Variants in PFKP observed in about 807,000 individuals in gnomAD.
PFKP encodes the protein phosphofructokinase, platelet, also known as ATP-dependent 6-phosphofructokinase, platelet type.
Under a neutral mutation model 94.3 loss-of-function variants are expected in PFKP, and 101 were observed. The observed-to-expected ratio is 1.07, with a 90% CI of 0.91 to 1.26. PFKP has a LOEUF of 1.26. PFKP is among the 50% of genes most tolerant of loss of function. The probability of loss-of-function intolerance (pLI) is 0.00; values close to 1 mark genes in which losing one functional copy is unlikely to be tolerated. For synonymous variants in PFKP, 573 were observed against 432.6 expected (o/e 1.32, Z -4.03); for missense variants, 1,145 against 1,103.3 (o/e 1.04, Z -0.53).
In PFKP at chr10:3,129,822, T is replaced by C. The variant is rs1838364053; in HGVS notation, c.1687T>C (p.Cys563Arg). The change falls in exon 17 of 22, where the codon TGC (cysteine) becomes CGC (arginine). Residue 563 changes from cysteine (C) to arginine (R), a missense_variant. By Grantham distance (180) the Cys-to-Arg change is radical. This residue lies in a region of PFKP where 1,119 missense variants were observed against 1,062.8 expected (regional missense o/e 1.05). Transcript: ENST00000381125. ...CTGATCGCTTCTCTGTGACCAGACC[T>C]GCGACCGCATCAAGCAGTCCGCCAG... ...DTALNTITDT[C>R]DRIKQSASGT... is the part of the protein sequence containing the mutation. 2 of 1,613,276 alleles carry C rather than the reference T, an allele frequency of 1.2e-6. No individual in the cohort carries two copies. The highest frequency in any genetic ancestry group is 1.3e-5 in the African/African-American group (1 of 74,940).
chr10:3,106,433 G>A (rs920375636), intron 7 of PFKP, among the ~76,000 whole-genome samples: 4 of 146,020 alleles, frequency 2.7e-5, no homozygotes, highest in Admixed American at 6.9e-5. Context: ...CCTGTGGGGC[G>A]TCCACCTGTG....
At chr10:3,104,605 C>G (rs553470622) in intron 5 of PFKP, 2 of 210,472 alleles carry the variant, frequency 9.5e-6, no homozygotes, top group Non-Finnish European at 1.9e-5. Flanking sequence ...GGCGTGAACC[C>G]CACAGTTGGT....
chr10:3,089,859 A>G (rs1304070904), intron 2 of PFKP, among the ~76,000 whole-genome samples: 1 of 151,822 alleles, frequency 6.6e-6, no homozygotes. Context: ...ATCCTTCTTT[A>G]CACCCCTGCT....
At chr10:3,088,690 G>A (rs1833818488) in intron 2 of PFKP, among the ~76,000 whole-genome samples, 1 of 152,086 alleles carries the variant, frequency 6.6e-6, no homozygotes, top group African/African-American at 2.4e-5. Context: ...TATTTATGGG[G>A]TACATGTGAT....
At position 3,103,810 on chromosome 10, in the gene PFKP, C is replaced by T. The variant is rs143826212; in HGVS notation, c.486C>T (p.Tyr162=). 142 of 1,613,954 alleles carry T rather than the reference C, an allele frequency of 8.8e-5. No homozygotes were observed. The highest frequency in any genetic ancestry group is 6.1e-4 in the African/African-American group (46 of 75,048). The stretch of plus-strand genomic sequence containing the variant: ...TCGATAAGGAGGCCGTGCAGAAGTA[C>T]GCCTACCTCAACGTGGTGGGCATGG... The part of the protein sequence containing the change: ...GQIDKEAVQK[Y]AYLNVVGMVG... The change falls in exon 5 of 22, where the codon TAC becomes TAT. Residue 162 remains tyrosine, a synonymous_variant. Coordinates refer to ENST00000381125, the MANE Select transcript of PFKP (RefSeq NM_002627.5).
At chr10:3,102,654 A>C (rs963459444) in intron 4 of PFKP, among the ~76,000 whole-genome samples, 3 of 152,070 alleles carry the variant, frequency 2.0e-5, no homozygotes, top group Non-Finnish European at 4.4e-5. Context: ...CTGGTCTCGA[A>C]CTCCTGACCT....
intron 16 of PFKP, among the ~76,000 whole-genome samples, chr10:3,126,872 G>A (rs932234407): frequency 9.9e-5 from 15 of 152,252 alleles, no homozygotes; most frequent in Non-Finnish European, 1.9e-4. Flanking sequence ...AGGGGGTGGC[G>A]TCTGCTGGGG....
At chr10:3,120,837 C>G (rs950414608) in intron 16 of PFKP, among the ~76,000 whole-genome samples, 1 of 152,090 alleles carries the variant, frequency 6.6e-6, no homozygotes, top group Non-Finnish European at 1.5e-5. Flanking sequence ...AAGAAATATA[C>G]ACCTATTCCC....
chr10:3,093,124 G>A (rs59457014), intron 2 of PFKP, among the ~76,000 whole-genome samples: 14,446 of 152,184 alleles, frequency 0.095, 1,246 homozygotes, highest in African/African-American at 0.23. Flanking sequence ...GGGGCTGGCC[G>A]TGGAAACTAG....
intron 2 of PFKP, among the ~76,000 whole-genome samples, chr10:3,098,688 A>AAAAAAAAAAAAAG (rs1313571952): frequency 1.6e-4 from 24 of 151,796 alleles, no homozygotes; most frequent in South Asian, 8.4e-4. Flanking sequence ...AAAAAAAAAA[A>AAAAAAAAAAAAAG]AAGGTAATTG....
chr10:3,097,396 G>A (rs1039615877), intron 2 of PFKP, among the ~76,000 whole-genome samples: 10 of 152,224 alleles, frequency 6.6e-5, no homozygotes, highest in African/African-American at 1.7e-4. Flanking sequence ...TCCGGGGGAC[G>A]GCTACACTGG....
At position 3,067,623 on chromosome 10, in the gene PFKP, A is replaced by G. The variant is rs956786906; in HGVS notation, c.28A>G (p.Lys10Glu). 5 of 1,532,580 alleles carry G rather than the reference A, an allele frequency of 3.3e-6. No homozygotes were observed. The highest frequency in any genetic ancestry group is 3.5e-6 in the Non-Finnish European group (4 of 1,139,332). The allele number at this position is 1,532,580 out of a possible 1,614,324, so 94.9% of individuals were successfully genotyped here. A position where few individuals can be genotyped will look rare whatever the true frequency, so the allele number is the denominator to read the frequency against. The change falls in exon 1 of 22, where the codon AAG becomes GAG. Residue 10 changes from lysine to glutamate, a missense_variant. By Grantham distance (56) the Lys-to-Glu change is moderately conservative. This residue lies in a region of PFKP where 1,119 missense variants were observed against 1,062.8 expected (regional missense o/e 1.05). Transcript: ENST00000381125. ...GGACGCGGACGACTCCCGGGCCCCC[A>G]AGGGCTCCTTGCGGAAGTTCCTGGA... The part of the protein sequence containing the change: MDADDSRAP[K>E]GSLRKFLEHL...
At chr10:3,076,907 T>A (rs1832640236) in intron 1 of PFKP, among the ~76,000 whole-genome samples, 1 of 152,156 alleles carries the variant, frequency 6.6e-6, no homozygotes, top group South Asian at 2.1e-4. Context: ...GAACAGCACC[T>A]TGACAGAATC....
intron 20 of PFKP, among the ~76,000 whole-genome samples, chr10:3,135,428 G>C (rs1839138535): frequency 7.3e-6 from 1 of 137,174 alleles, no homozygotes; most frequent in Non-Finnish European, 1.6e-5. Context: ...GTGTATGTGT[G>C]AGCATAAATT....
intron 15 of PFKP, 131 bp from the exon 16 acceptor site, chr10:3,119,761 G>GGT: frequency 3.3e-5 from 22 of 672,122 alleles, no homozygotes; most frequent in South Asian, 5.7e-5. Flanking sequence ...TGTTGATCTC[G>GGT]GAGTGTTTTC....
At chr10:3,074,912 C>T (rs1265255805) in intron 1 of PFKP, among the ~76,000 whole-genome samples, 4 of 152,118 alleles carry the variant, frequency 2.6e-5, no homozygotes, top group Non-Finnish European at 4.4e-5. Flanking sequence ...GTGGGAAATC[C>T]GTGGTCTCAC....
At chr10:3,093,385 C>A (rs1272546975) in intron 2 of PFKP, among the ~76,000 whole-genome samples, 1 of 152,194 alleles carries the variant, frequency 6.6e-6, no homozygotes, top group African/African-American at 2.4e-5. Flanking sequence ...CCACTTCTGT[C>A]TAAAAATAAG....
chr10:3,109,605 A>G, intron 10 of PFKP, 125 bp downstream of exon 10: 2 of 1,203,176 alleles, frequency 1.7e-6, no homozygotes, highest in Non-Finnish European at 2.3e-6. Context: ...CTTTCTGAGA[A>G]GGAGGTGAGC....
rs757759144 is a variant in PFKP at position 3,113,427 on chromosome 10, C to T, written c.1280C>T (p.Ala427Val). The change falls in exon 13 of 22, where the codon GCA becomes GTA. Residue 427 changes from alanine (A) to valine (V), a missense_variant. By Grantham distance (64) the Ala-to-Val change is moderately conservative (BLOSUM62 0). Around this residue, in one of 3 missense-constraint regions of PFKP, gnomAD observed 1,119 missense variants for 1,062.8 expected, o/e 1.05. Coordinates refer to ENST00000381125, the MANE Select transcript of PFKP (RefSeq NM_002627.5). Reference protein sequence around the residue: ...NVGAPAAGMNAAVRSAVRVGI... With the variant: ...NVGAPAAGMNVAVRSAVRVGI... ...GGGGCACCCGCGGCTGGGATGAACGCAGCCGTACGCTCAGCTGTGCGCGTG... is the reference window on the plus strand; with the variant it reads ...GGGGCACCCGCGGCTGGGATGAACGTAGCCGTACGCTCAGCTGTGCGCGTG... 17 of 1,606,564 alleles carry T rather than the reference C, an allele frequency of 1.1e-5. 1 individual carries two copies. In the South Asian group the frequency reaches 1.1e-4, roughly 10 times the overall value.
Sources: allele counts gnomAD v4.1 joint callset (sites outside exome capture counted in the v4.1 genomes callset), GRCh38; gene constraint gnomAD v4.1.1; regional missense constraint gnomAD v4.1.1; transcripts MANE v1.5; gene names NCBI Gene and HGNC (gene_info 2026-07-23, HGNC 2026-07-21).